The following CDH20 variants were observed in gnomAD, a reference collection of about 807,000 sequenced individuals.
CDH20 encodes cadherin-20.
In CDH20, 29 loss-of-function variants were observed where a neutral mutation model predicts 74.2. The observed-to-expected ratio is 0.39, with a 90% CI of 0.29 to 0.53. CDH20 has a LOEUF of 0.53. Ranked by LOEUF, CDH20 falls within the 20% of genes least tolerant of loss-of-function variation. CDH20 has a pLI of 0.69. For synonymous variants in CDH20, 469 were observed against 405.4 expected (o/e 1.16, Z -1.88); for missense variants, 988 against 1,048.3 (o/e 0.94, Z 0.79).
chr18:61,366,134 T>C (rs2144145123), intron 1 of CDH20, among the ~76,000 whole-genome samples: 1 of 152,284 alleles, frequency 6.6e-6, no homozygotes, highest in African/African-American at 2.4e-5. Flanking sequence ...ACTCTCAAAT[T>C]TCATTTGGTT....
At chr18:61,540,473 C>A (rs9959074) in intron 9 of CDH20, among the ~76,000 whole-genome samples, 6 of 151,980 alleles carry the variant, frequency 3.9e-5, no homozygotes, top group Non-Finnish European at 7.4e-5. Flanking sequence ...CGGTGGAAGG[C>A]GAAAGGCACA....
intron 1 of CDH20, among the ~76,000 whole-genome samples, chr18:61,375,326 C>T (rs747380643): frequency 2.6e-5 from 4 of 152,156 alleles, no homozygotes; most frequent in Non-Finnish European, 4.4e-5. Context: ...TTTCATGCAG[C>T]GCTGAATTCT....
intron 7 of CDH20, 38 bp from the exon 8 acceptor site, chr18:61,536,455 C>G: frequency 2.5e-6 from 4 of 1,596,794 alleles, no homozygotes; most frequent in Non-Finnish European, 3.4e-6. Flanking sequence ...ATATGCTTAC[C>G]CAAATGCAAA....
intron 5 of CDH20, among the ~76,000 whole-genome samples, chr18:61,505,265 G>A (rs1020438630): frequency 1.3e-5 from 2 of 152,072 alleles, no homozygotes; most frequent in Admixed American, 1.3e-4. Context: ...CCCCAAACAT[G>A]GCAGCTTCAC....
At chr18:61,521,059 G>T (rs980248263) in intron 6 of CDH20, among the ~76,000 whole-genome samples, 7 of 150,218 alleles carry the variant, frequency 4.7e-5, no homozygotes, top group African/African-American at 1.7e-4. Flanking sequence ...CAGAAGACAA[G>T]AAGTAACTAA....
Position 61,465,130 on chromosome 18 carries a change from A to C in CDH20, c.-152-25272A>C, listed in dbSNP as rs375855317. 2.9e-4 allele frequency among the ~76,000 whole-genome samples: 44 copies of C among 152,286 alleles called. No homozygotes were observed. In the East Asian group the frequency reaches 4.6e-3, roughly 16 times the overall value. ...TCTTCACAGAGCTCACTAGAAATAA[A>C]CCAGTTGGCCTGGCTGCCCAAGAAT... is the stretch of plus-strand genomic sequence containing the variant. On this transcript the variant is annotated intron_variant, in intron 1 of 11. Transcript: ENST00000262717.
chr18:61,427,957 C>T (rs1157990582), intron 1 of CDH20, among the ~76,000 whole-genome samples: 1 of 152,150 alleles, frequency 6.6e-6, no homozygotes, highest in Non-Finnish European at 1.5e-5. Flanking sequence ...TGAGCACATA[C>T]TTCGTTTCTG....
chr18:61,428,095 T>TA (rs1056350730), intron 1 of CDH20, among the ~76,000 whole-genome samples: 1 of 152,018 alleles, frequency 6.6e-6, no homozygotes, highest in Non-Finnish European at 1.5e-5. Context: ...CATTTAAAGC[T>TA]AAAAAAGCAA....
At chr18:61,372,865 T>C (rs188672521) in intron 1 of CDH20, among the ~76,000 whole-genome samples, 2 of 152,228 alleles carry the variant, frequency 1.3e-5, no homozygotes, top group African/African-American at 4.8e-5. Flanking sequence ...AGACTAAAAC[T>C]TCCCCCAGTA....
At chr18:61,466,770 A>C (rs1015534641) in intron 1 of CDH20, among the ~76,000 whole-genome samples, 1 of 152,212 alleles carries the variant, frequency 6.6e-6, no homozygotes, top group African/African-American at 2.4e-5. Context: ...GCACAACTAC[A>C]GAGGTAACTC....
intron 1 of CDH20, among the ~76,000 whole-genome samples, chr18:61,396,053 T>TGTG (rs1568123818): frequency 6.6e-4 from 94 of 142,828 alleles, no homozygotes; most frequent in African/African-American, 2.1e-3. Flanking sequence ...GTGTGTGTGT[T>TGTG]TGTGTGTGTG....
intron 1 of CDH20, among the ~76,000 whole-genome samples, chr18:61,352,358 C>T (rs938081063): frequency 6.6e-6 from 1 of 152,204 alleles, no homozygotes; most frequent in Non-Finnish European, 1.5e-5. Flanking sequence ...CTCAGAACTT[C>T]AGATCACATA....
At chr18:61,453,418 T>C (rs1303982415) in intron 1 of CDH20, among the ~76,000 whole-genome samples, 1 of 152,002 alleles carries the variant, frequency 6.6e-6, no homozygotes, top group Non-Finnish European at 1.5e-5. Flanking sequence ...GTTGGGATTA[T>C]AGGCGTGTGC....
chr18:61,490,537 G>C lies in CDH20; in HGVS notation c.-17G>C. 6.2e-7 allele frequency: 1 copy of C among 1,608,450 alleles called. No homozygotes were observed. The highest frequency in any genetic ancestry group is 1.7e-5 in the Admixed American group (1 of 59,878). On this transcript the variant is annotated 5_prime_UTR_variant, in exon 2 of 12. Transcript: ENST00000262717. ...TGCTTATCATTCTCCTTCATTTTCTGAAAACCTGGCAATCCCATGTGGACT... is the reference window on the plus strand; with the variant it reads ...TGCTTATCATTCTCCTTCATTTTCTCAAAACCTGGCAATCCCATGTGGACT...
At chr18:61,449,846 A>T (rs1909322608) in intron 1 of CDH20, among the ~76,000 whole-genome samples, 1 of 152,068 alleles carries the variant, frequency 6.6e-6, no homozygotes. Context: ...ATAAATGAAA[A>T]TCAAGAGTCT....
At chr18:61,515,424 C>T (rs926403200) in intron 6 of CDH20, among the ~76,000 whole-genome samples, 25 of 152,084 alleles carry the variant, frequency 1.6e-4, no homozygotes, top group African/African-American at 5.5e-4. Context: ...GAGATGAACC[C>T]GGTACCTCAG....
At chr18:61,394,789 C>T (rs1911909833) in intron 1 of CDH20, among the ~76,000 whole-genome samples, 1 of 152,034 alleles carries the variant, frequency 6.6e-6, no homozygotes. Context: ...GAGGGCCGAG[C>T]CCACCTGGCA....
At chr18:61,371,225 C>T (rs939515951) in intron 1 of CDH20, among the ~76,000 whole-genome samples, 1 of 152,206 alleles carries the variant, frequency 6.6e-6, no homozygotes, top group African/African-American at 2.4e-5. Flanking sequence ...TTCATCAGAG[C>T]GCTTTCACTT....
chr18:61,350,665 T>C (rs553544415), intron 1 of CDH20, among the ~76,000 whole-genome samples: 1 of 152,326 alleles, frequency 6.6e-6, no homozygotes, highest in African/African-American at 2.4e-5. Context: ...CTTCACACCA[T>C]AGTCGTCTAT....
Sources: allele counts gnomAD v4.1 joint callset (sites outside exome capture counted in the v4.1 genomes callset), GRCh38; gene constraint gnomAD v4.1.1; transcripts MANE v1.5; gene names NCBI Gene and HGNC (gene_info 2026-07-23, HGNC 2026-07-21).